Variants in RPS6KC1 observed in about 807,000 individuals in gnomAD.
RPS6KC1 encodes the protein inactive ribosomal protein S6 kinase delta-1.
RPS6KC1 carries 54 observed loss-of-function variants against 103.8 expected under a neutral mutation model. The ratio of observed to expected loss-of-function variants is 0.52; its 90% CI spans 0.42 to 0.65. RPS6KC1 has a LOEUF of 0.65. RPS6KC1 is among the 30% of genes least tolerant of loss of function. RPS6KC1 has a pLI of 0.00. For synonymous variants in RPS6KC1, 439 were observed against 438.7 expected (o/e 1.00, Z -0.01); for missense variants, 1,151 against 1,253.8 (o/e 0.92, Z 1.24).
At chr1:213,558,391 G>A in the RPS6KC1 span, among the ~76,000 whole-genome samples, 1 of 152,164 alleles carries the variant, frequency 6.6e-6, no homozygotes, top group Non-Finnish European at 1.5e-5. Flanking sequence ...AGGGAGTAAG[G>A]AGCCGATGTA....
chr1:213,448,922 GT>G, the RPS6KC1 span, among the ~76,000 whole-genome samples: 1 of 152,162 alleles, frequency 6.6e-6, no homozygotes, highest in Non-Finnish European at 1.5e-5. Context: ...TTGCTGCTGT[GT>G]TTTGGGCTAA....
chr1:213,563,944 AAT>A, the RPS6KC1 span, among the ~76,000 whole-genome samples: 150 of 147,966 alleles, frequency 1.0e-3, 2 homozygotes, highest in African/African-American at 3.5e-3. Context: ...TATTTACTCA[AAT>A]GTTTACCAAG....
chr1:213,403,773 G>T, the RPS6KC1 span, among the ~76,000 whole-genome samples: 1 of 152,072 alleles, frequency 6.6e-6, no homozygotes, highest in Non-Finnish European at 1.5e-5. Context: ...TGGGGGAAAA[G>T]GGGTAGTTCT....
the RPS6KC1 span, among the ~76,000 whole-genome samples, chr1:213,781,588 G>A: frequency 1.3e-5 from 2 of 152,166 alleles, no homozygotes; most frequent in Non-Finnish European, 2.9e-5. Flanking sequence ...AAGAGAATGG[G>A]AAGAAACTAA....
chr1:213,315,005 C>G, the RPS6KC1 span, among the ~76,000 whole-genome samples: 1 of 152,076 alleles, frequency 6.6e-6, no homozygotes, highest in South Asian at 2.1e-4. Flanking sequence ...CATTACTATT[C>G]GAGCCCCGTA....
the RPS6KC1 span, among the ~76,000 whole-genome samples, chr1:213,467,355 T>C: frequency 1.5e-4 from 23 of 152,222 alleles, no homozygotes; most frequent in Non-Finnish European, 2.8e-4. Flanking sequence ...ATTGACTTTA[T>C]ACCTGAATTC....
At chr1:213,250,974 G>C (rs2094534836) in intron 12 of RPS6KC1, among the ~76,000 whole-genome samples, 1 of 152,058 alleles carries the variant, frequency 6.6e-6, no homozygotes, top group South Asian at 2.1e-4. Flanking sequence ...CAGCCAAATA[G>C]AACCAGCTTA....
chr1:213,552,815 A>C, the RPS6KC1 span, among the ~76,000 whole-genome samples: 1 of 152,156 alleles, frequency 6.6e-6, no homozygotes, highest in African/African-American at 2.4e-5. Context: ...GGAGGAAAGC[A>C]GTTGCAAACG....
the RPS6KC1 span, among the ~76,000 whole-genome samples, chr1:213,566,214 T>C: frequency 6.6e-6 from 1 of 152,050 alleles, no homozygotes; most frequent in Non-Finnish European, 1.5e-5. Flanking sequence ...TGCTCTGTGT[T>C]TGAAAATGTT....
At chr1:213,697,673 T>C in the RPS6KC1 span, among the ~76,000 whole-genome samples, 1 of 152,192 alleles carries the variant, frequency 6.6e-6, no homozygotes, top group Non-Finnish European at 1.5e-5. Flanking sequence ...AGAGGAACTC[T>C]GTAGGCCCAC....
chr1:213,188,086 G>A (rs1041861493), intron 8 of RPS6KC1, among the ~76,000 whole-genome samples: 2 of 152,134 alleles, frequency 1.3e-5, no homozygotes, highest in African/African-American at 2.4e-5. Context: ...GGGCATCTCT[G>A]TTTGCTGAGT....
chr1:213,483,079 A>T, the RPS6KC1 span, among the ~76,000 whole-genome samples: 12 of 152,198 alleles, frequency 7.9e-5, no homozygotes, highest in Non-Finnish European at 1.3e-4. Flanking sequence ...AAATTTTAAA[A>T]GTACCTTTTT....
the RPS6KC1 span, among the ~76,000 whole-genome samples, chr1:213,336,345 A>G: frequency 3.3e-5 from 5 of 152,244 alleles, no homozygotes; most frequent in South Asian, 8.3e-4. Context: ...TTATGAGTCA[A>G]TAAGTATGGC....
chr1:213,842,309 T>G, the RPS6KC1 span: 2 of 152,148 alleles, frequency 1.3e-5, no homozygotes, highest in Non-Finnish European at 2.9e-5. Flanking sequence ...TACATGATTT[T>G]GTAGGTTGAG....
chr1:213,171,664 T>G lies in RPS6KC1; in HGVS notation c.951+3691T>G, dbSNP rs11120097. Reference sequence around the variant, plus strand: ...TACAACTGATATAATATTGCAAGTATTTTTCTATTGTGCATTTTGTTTACT... The same window carrying G: ...TACAACTGATATAATATTGCAAGTAGTTTTCTATTGTGCATTTTGTTTACT... On this transcript the variant is annotated intron_variant, in intron 7 of 14. Transcript: ENST00000366960. Among the ~76,000 whole-genome samples, 389 of 152,336 alleles carry G rather than the reference T, an allele frequency of 2.6e-3. 1 individual carries two copies. Among genetic ancestry groups the G allele is most frequent in the African/African-American group, 8.7e-3 (362 of 41,572 alleles).
chr1:213,309,970 C>A, the RPS6KC1 span, among the ~76,000 whole-genome samples: 1 of 152,222 alleles, frequency 6.6e-6, no homozygotes, highest in Non-Finnish European at 1.5e-5. Flanking sequence ...CAGGTGTGAG[C>A]CACTGCGCCC....
At chr1:213,788,571 G>C in the RPS6KC1 span, among the ~76,000 whole-genome samples, 1 of 152,034 alleles carries the variant, frequency 6.6e-6, no homozygotes, top group African/African-American at 2.4e-5. Context: ...ACATTTATCA[G>C]TTCCATGCAG....
the RPS6KC1 span, among the ~76,000 whole-genome samples, chr1:213,338,345 C>T: frequency 6.6e-6 from 1 of 152,344 alleles, no homozygotes; most frequent in East Asian, 1.9e-4. Flanking sequence ...CTCCACTGAT[C>T]TCTTTTTCCT....
the RPS6KC1 span, among the ~76,000 whole-genome samples, chr1:213,496,087 G>A: frequency 6.6e-6 from 1 of 151,410 alleles, no homozygotes; most frequent in Non-Finnish European, 1.5e-5. Context: ...GCACACTGTT[G>A]AAAAAAACAT....
Sources: allele counts gnomAD v4.1 joint callset (sites outside exome capture counted in the v4.1 genomes callset), GRCh38; gene constraint gnomAD v4.1.1; transcripts MANE v1.5; gene names NCBI Gene and HGNC (gene_info 2026-07-23, HGNC 2026-07-21).